Variants in DCP2 observed in about 807,000 individuals in gnomAD.
The protein encoded by DCP2 is decapping mRNA 2.
DCP2 carries 30 observed loss-of-function variants against 56.1 expected under a neutral mutation model. The observed-to-expected ratio is 0.53, with a 90% CI of 0.40 to 0.73. The LOEUF (loss-of-function observed/expected upper bound fraction) is 0.73, where lower values mean the gene tolerates loss of function less well. Ranked by LOEUF, DCP2 falls within the 30% of genes least tolerant of loss-of-function variation. The pLI is 0.00. For missense variants in DCP2, 533 were observed against 502.7 expected, an observed-to-expected ratio of 1.06 and a Z score of -0.58; for synonymous variants, 197 against 163.3, an observed-to-expected ratio of 1.21 and a Z score of -1.57.
At chr5:112,980,546 T>C (rs191957939) in intron 1 of DCP2, among the ~76,000 whole-genome samples, 55 of 152,190 alleles carry the variant, frequency 3.6e-4, no homozygotes, top group African/African-American at 1.2e-3. Context: ...CAGCTATTAC[T>C]ATATACACGT....
intron 8 of DCP2, among the ~76,000 whole-genome samples, chr5:113,006,040 C>T (rs565332540): frequency 2.7e-5 from 4 of 150,516 alleles, no homozygotes; most frequent in African/African-American, 9.8e-5. Context: ...GTGGGAAAAT[C>T]ACCTGAGCCT....
At chr5:113,010,865 C>G in intron 10 of DCP2, 58 bp downstream of exon 10, 5 of 1,541,996 alleles carry the variant, frequency 3.2e-6, no homozygotes, top group Non-Finnish European at 4.4e-6. Flanking sequence ...TTTGGTTTAC[C>G]TAACTTTGAT....
chr5:112,990,991 GCT>G (rs1315110222), intron 2 of DCP2, among the ~76,000 whole-genome samples: 1 of 151,878 alleles, frequency 6.6e-6, no homozygotes, highest in Non-Finnish European at 1.5e-5. Context: ...ACCTTTCTCT[GCT>G]CTCTGTTATG....
In DCP2 at chr5:113,021,091, C is replaced by T. The variant is rs1439103272; in HGVS notation, c.*7607C>T. The T allele has an allele frequency of 6.6e-6, 1 of 152,060 alleles. No individual in the cohort carries two copies. Among genetic ancestry groups the T allele is most frequent in the Non-Finnish European group, 1.5e-5 (1 of 68,016 alleles). The allele number at this position is 152,060 out of a possible 1,614,324, so 9.4% of individuals were successfully genotyped here. ...ACATGATAAAAGTATGTTTATATAACAGGAAGAAGCTGGGCGCGGTGCTCA... is the reference window on the plus strand; with the variant it reads ...ACATGATAAAAGTATGTTTATATAATAGGAAGAAGCTGGGCGCGGTGCTCA... On this transcript the variant is annotated 3_prime_UTR_variant, in exon 11 of 11. Coordinates refer to ENST00000389063, the MANE Select transcript of DCP2 (RefSeq NM_152624.6).
Position 113,015,170 on chromosome 5 carries a change from C to G in DCP2, c.*1686C>G, listed in dbSNP as rs887441720. 1.3e-5 allele frequency: 2 copies of G among 152,478 alleles called. No homozygotes were observed. Among genetic ancestry groups the G allele is most frequent in the African/African-American group, 4.8e-5 (2 of 41,408 alleles). 9.4% of individuals were successfully genotyped at this position (152,478 alleles called of 1,614,324 possible). A position where few individuals can be genotyped will look rare whatever the true frequency, so the allele number is the denominator to read the frequency against. ...ATTGTGTTTGGAAGCTTTTACTGTT[C>G]TTTTCAGAAATACGGCTGCTTTGCT... is the stretch of plus-strand genomic sequence containing the variant. On this transcript the variant is annotated 3_prime_UTR_variant, in exon 11 of 11. Transcript: ENST00000389063.
At position 113,020,521 on chromosome 5, in the gene DCP2, C is replaced by G. The variant is rs1320805194; in HGVS notation, c.*7037C>G. On this transcript the variant is annotated 3_prime_UTR_variant, in exon 11 of 11. Transcript: ENST00000389063. ...GTTATAAGAACAGAAACATTTGGAA[C>G]AGGTTTCATTCTGTTTCTAGATTTA... 1 of 152,184 alleles carries G rather than the reference C, an allele frequency of 6.6e-6. No homozygotes were observed. Among genetic ancestry groups the G allele is most frequent in the East Asian group, 1.9e-4 (1 of 5,198 alleles). 9.4% of individuals were successfully genotyped at this position (152,184 alleles called of 1,614,324 possible). A position where few individuals can be genotyped will look rare whatever the true frequency, so the allele number is the denominator to read the frequency against.
rs980420856 is a variant in DCP2 at position 113,016,071 on chromosome 5, CTG to C, written c.*2590_*2591del. On this transcript the variant is annotated 3_prime_UTR_variant, in exon 11 of 11. Transcript: ENST00000389063. ...CTTATATGTTCCAAGGTGCAGTGCACTGTGAATCTTTTATTTTTAAAAAAATT... is the reference window on the plus strand; with the variant it reads ...CTTATATGTTCCAAGGTGCAGTGCACTGAATCTTTTATTTTTAAAAAAATT... The C allele has an allele frequency of 2.6e-5, 4 of 152,576 alleles. No individual in the cohort carries two copies. Among genetic ancestry groups the C allele is most frequent in the African/African-American group, 7.2e-5 (3 of 41,432 alleles). The allele number at this position is 152,576 out of a possible 1,614,324, so 9.5% of individuals were successfully genotyped here. A position where few individuals can be genotyped will look rare whatever the true frequency, so the allele number is the denominator to read the frequency against.
intron 10 of DCP2, among the ~76,000 whole-genome samples, chr5:113,012,654 GT>G (rs934076477): frequency 6.6e-6 from 1 of 151,480 alleles, no homozygotes; most frequent in Non-Finnish European, 1.5e-5. Context: ...TTTTTCTTTT[GT>G]TTTTTTGAGA....
chr5:112,999,517 G>T (rs912461612), intron 4 of DCP2, among the ~76,000 whole-genome samples: 23 of 151,928 alleles, frequency 1.5e-4, no homozygotes, highest in Admixed American at 5.2e-4. Context: ...TAGTAGAGAC[G>T]GAGTTTCTCC....
intron 1 of DCP2, among the ~76,000 whole-genome samples, chr5:112,981,463 AATATTT>A (rs1176999172): frequency 6.6e-6 from 1 of 152,104 alleles, no homozygotes; most frequent in African/African-American, 2.4e-5. Context: ...TAGGGTTGAT[AATATTT>A]ATATTCTATT....
Position 113,013,483 on chromosome 5 carries a change from G to C in DCP2, c.1262G>C (p.Ter421SerextTer1), listed in dbSNP as rs199970082. The C allele has an allele frequency of 6.2e-7, 1 of 1,613,898 alleles. No individual in the cohort carries two copies. Among genetic ancestry groups the C allele is most frequent in the East Asian group, 2.2e-5 (1 of 44,872 alleles). The change falls in exon 11 of 11, where the codon TGA (stop) becomes TCA (serine). Residue 421 changes from the stop codon to serine (S), a stop_lost. Transcript: ENST00000389063. ...GCTATAATGAAAATCTTGGACCTTTGATAGCAGCACATGTATTGTAAATGT... is the reference window on the plus strand; with the variant it reads ...GCTATAATGAAAATCTTGGACCTTTCATAGCAGCACATGTATTGTAAATGT... ...HNAIMKILDL* is the reference protein window; with the variant it reads ...HNAIMKILDLS
chr5:112,977,776 G>C (rs1747787248), intron 1 of DCP2, among the ~76,000 whole-genome samples: 1 of 152,162 alleles, frequency 6.6e-6, no homozygotes, highest in Non-Finnish European at 1.5e-5. Context: ...GTAAAATTTG[G>C]AGTGCAGTGA....
intron 1 of DCP2, among the ~76,000 whole-genome samples, chr5:112,980,227 T>C (rs1747936268): frequency 6.6e-6 from 1 of 152,226 alleles, no homozygotes; most frequent in Non-Finnish European, 1.5e-5. Flanking sequence ...AGTTGGTTGA[T>C]TCAAATAAAT....
chr5:112,989,366 T>G (rs1748465995), intron 2 of DCP2, among the ~76,000 whole-genome samples: 1 of 151,986 alleles, frequency 6.6e-6, no homozygotes, highest in Non-Finnish European at 1.5e-5. Flanking sequence ...TTTGTACATG[T>G]AAGTCGTTTA....
intron 1 of DCP2, among the ~76,000 whole-genome samples, chr5:112,982,629 TC>T (rs1748063841): frequency 6.6e-6 from 1 of 152,232 alleles, no homozygotes; most frequent in Admixed American, 6.5e-5. Context: ...TTCCACTGCT[TC>T]CGTTGGTTAT....
At chr5:113,000,663 TTGGAA>T (rs1488905303) in intron 4 of DCP2, among the ~76,000 whole-genome samples, 6 of 152,324 alleles carry the variant, frequency 3.9e-5, no homozygotes, top group Admixed American at 2.0e-4. Context: ...TTTACTCTGA[TTGGAA>T]TGCTCAGACA....
chr5:113,000,386 A>G lies in DCP2; in HGVS notation c.433-698A>G, dbSNP rs1056338639. Among the ~76,000 whole-genome samples the G allele has an allele frequency of 4.2e-5, 6 of 144,198 alleles. No homozygotes were observed. The East Asian group carries it at 8.6e-4, about 21-fold the overall frequency. 94.6% of individuals were successfully genotyped at this position (144,198 alleles called of 152,430 possible). A position where few individuals can be genotyped will look rare whatever the true frequency, so the allele number is the denominator to read the frequency against. On this transcript the variant is annotated intron_variant, in intron 4 of 10. Transcript: ENST00000389063. ...CCCAGTCCTATTTTTTTGAAGTGCA[A>G]TTACTTGTCTAATACACACACACAC...
In DCP2 at chr5:113,014,347, T is replaced by C. The variant is rs1749797638; in HGVS notation, c.*863T>C. ...TGTGTAAATATGTATGGAAAACTGA[T>C]ATTACTAGGTTTTACGTTGCATCTC... On this transcript the variant is annotated 3_prime_UTR_variant, in exon 11 of 11. Coordinates refer to ENST00000389063, the MANE Select transcript of DCP2 (RefSeq NM_152624.6). 1.3e-5 allele frequency: 2 copies of C among 152,232 alleles called. No individual in the cohort carries two copies. The highest frequency in any genetic ancestry group is 4.1e-4 in the South Asian group (2 of 4,830). The allele number at this position is 152,232 out of a possible 1,614,324, so 9.4% of individuals were successfully genotyped here.
At chr5:112,986,442 C>A (rs186552177) in intron 2 of DCP2, among the ~76,000 whole-genome samples, 100 of 151,894 alleles carry the variant, frequency 6.6e-4, no homozygotes, top group Middle Eastern at 3.4e-3. Flanking sequence ...CTTAAGCAAT[C>A]CTCCTCCCTA....
Sources: gnomAD v4.1 joint callset for allele counts (sites outside exome capture counted in the v4.1 genomes callset) on GRCh38, gnomAD v4.1.1 for gene constraint, MANE v1.5 for transcripts, NCBI Gene and HGNC (gene_info 2026-07-23, HGNC 2026-07-21) for gene names.